The following ATP2B1 variants were observed in gnomAD, a reference collection of about 807,000 sequenced individuals.
ATP2B1 encodes the protein ATPase plasma membrane Ca2+ transporting 1, also known as plasma membrane calcium-transporting ATPase 1.
Under a neutral mutation model 124.2 loss-of-function variants are expected in ATP2B1, and 14 were observed. The observed-to-expected ratio is 0.11, with a 90% CI of 0.07 to 0.18. The LOEUF is 0.18. Among genes scored for constraint, ATP2B1 ranks in the 10% least tolerant of loss-of-function variants. ATP2B1 has a pLI of 1.00. For missense variants in ATP2B1, 763 were observed against 1,466.1 expected (o/e 0.52, Z 7.83); for synonymous variants, 449 against 492.4 (o/e 0.91, Z 1.17).
intron 19 of ATP2B1, 134 bp from the exon 20 acceptor site, chr12:89,599,433 G>T: frequency 2.2e-6 from 2 of 926,458 alleles, no homozygotes; most frequent in South Asian, 2.0e-5. Flanking sequence ...GGATCCTGTT[G>T]ATTAGTCTTT....
intron 1 of ATP2B1, among the ~76,000 whole-genome samples, chr12:89,679,688 G>A (rs1320986729): frequency 6.6e-6 from 1 of 152,162 alleles, no homozygotes; most frequent in African/African-American, 2.4e-5. Flanking sequence ...GTACATCGTA[G>A]GAGAGGGGAG....
At position 89,648,801 on chromosome 12, in the gene ATP2B1, C is replaced by T. The variant is rs949332142; in HGVS notation, c.209-6446G>A. Among the ~76,000 whole-genome samples the T allele has an allele frequency of 7.2e-5, 11 of 152,364 alleles. 1 individual carries two copies. Among genetic ancestry groups the T allele is most frequent in the South Asian group, 4.1e-4 (2 of 4,830 alleles). ...GCAGCCTAGGCGGAAAGAATGCTTT[C>T]AAGGGCTAGGCCCAGGGTGCAGCTG... On this transcript the variant is annotated intron_variant, in intron 2 of 20. Transcript: ENST00000428670.
intron 3 of ATP2B1, among the ~76,000 whole-genome samples, chr12:89,636,194 T>A: frequency 6.7e-6 from 1 of 150,344 alleles, no homozygotes; most frequent in African/African-American, 2.5e-5. Context: ...AATGGCAGAA[T>A]AGAGATCAGA....
intron 1 of ATP2B1, among the ~76,000 whole-genome samples, chr12:89,685,411 C>G (rs949918250): frequency 6.6e-6 from 1 of 152,164 alleles, no homozygotes; most frequent in Non-Finnish European, 1.5e-5. Flanking sequence ...CCCCCATCCT[C>G]AGGACAGTTT....
intron 2 of ATP2B1, among the ~76,000 whole-genome samples, chr12:89,653,453 C>T (rs369783304): frequency 2.8e-4 from 42 of 151,370 alleles, no homozygotes; most frequent in Admixed American, 5.2e-4. Flanking sequence ...CCCGCCACCG[C>T]GCCCGGCTAA....
intron 3 of ATP2B1, chr12:89,641,740 C>G (rs907939664): frequency 2.5e-5 from 4 of 157,878 alleles, no homozygotes; most frequent in Admixed American, 6.2e-5. Context: ...ACTTTAAGAA[C>G]TTGACAAGTA....
rs761917239 is a variant in ATP2B1 at position 89,603,965 on chromosome 12, T to G, written c.2635-40A>C. The G allele has an allele frequency of 2.4e-5, 38 of 1,585,108 alleles. No individual in the cohort carries two copies. The highest frequency in any genetic ancestry group is 3.1e-5 in the Non-Finnish European group (36 of 1,160,510). On this transcript the variant is annotated intron_variant, in intron 16 of 20. Coordinates refer to ENST00000428670, the MANE Select transcript of ATP2B1 (RefSeq NM_001366521.1). This position sits in a 1 kb window ranked among gnomAD's most constrained non-coding sequence, Gnocchi z 4.3. ...TTTCCTAATAGACATTCACAACTAC[T>G]CAGGGGCTCAGCAATTCTCAGGAAA...
chr12:89,623,217 T>C (rs1336066451), intron 9 of ATP2B1, among the ~76,000 whole-genome samples: 3 of 152,160 alleles, frequency 2.0e-5, no homozygotes, highest in Non-Finnish European at 4.4e-5. Context: ...TATTGCTCAC[T>C]GTCAGCAGTG....
At chr12:89,703,674 G>A (rs1376541398) in intron 1 of ATP2B1, among the ~76,000 whole-genome samples, 1 of 152,062 alleles carries the variant, frequency 6.6e-6, no homozygotes, top group Non-Finnish European at 1.5e-5. Flanking sequence ...ATAGTTTACA[G>A]TGCTTAATAA....
rs367946544 is a variant in ATP2B1 at position 89,642,150 on chromosome 12, T to G, written c.406+8A>C. ...TCAGACATGTCTTTTTTCCCCCCATTTACTTACGTGCATTATCCCCTTCTG... is the reference window on the plus strand; with the variant it reads ...TCAGACATGTCTTTTTTCCCCCCATGTACTTACGTGCATTATCCCCTTCTG... On this transcript the variant is annotated splice_region_variant and intron_variant, in intron 3 of 20. Coordinates refer to ENST00000428670, the MANE Select transcript of ATP2B1 (RefSeq NM_001366521.1). The G allele has an allele frequency of 6.9e-6, 11 of 1,604,054 alleles. No individual in the cohort carries two copies. The highest frequency in any genetic ancestry group is 9.4e-6 in the Non-Finnish European group (11 of 1,174,034).
At chr12:89,629,566 C>A (rs182575259) in intron 6 of ATP2B1, among the ~76,000 whole-genome samples, 1 of 152,230 alleles carries the variant, frequency 6.6e-6, no homozygotes, top group African/African-American at 2.4e-5. Flanking sequence ...GATTTTATAG[C>A]TAACAGCAAA....
intron 1 of ATP2B1, among the ~76,000 whole-genome samples, chr12:89,670,219 G>C (rs1180100887): frequency 1.3e-5 from 2 of 152,160 alleles, no homozygotes; most frequent in Non-Finnish European, 2.9e-5. Context: ...CCAGAAACAG[G>C]AGGGGAAAGG....
chr12:89,597,214 C>T (rs1874786778), intron 20 of ATP2B1, among the ~76,000 whole-genome samples: 1 of 152,080 alleles, frequency 6.6e-6, no homozygotes, highest in Non-Finnish European at 1.5e-5. Flanking sequence ...TTGAAATCCA[C>T]AGATACAGGG....
chr12:89,639,216 A>G (rs1345278731), intron 3 of ATP2B1, among the ~76,000 whole-genome samples: 1 of 152,208 alleles, frequency 6.6e-6, no homozygotes, highest in Non-Finnish European at 1.5e-5. Flanking sequence ...ATTTTAAAAA[A>G]TGCAAGGCTG....
At chr12:89,674,829 CCT>C (rs1186214678) in intron 1 of ATP2B1, among the ~76,000 whole-genome samples, 1 of 152,240 alleles carries the variant, frequency 6.6e-6, no homozygotes, top group Non-Finnish European at 1.5e-5. Context: ...TGGAACCACA[CCT>C]CTCTGAGACA....
chr12:89,640,213 C>T (rs968173924), intron 3 of ATP2B1, among the ~76,000 whole-genome samples: 1 of 152,062 alleles, frequency 6.6e-6, no homozygotes, highest in African/African-American at 2.4e-5. Context: ...ACTGTCTTCC[C>T]CCACCCCCAT....
intron 3 of ATP2B1, among the ~76,000 whole-genome samples, chr12:89,636,763 C>T (rs1205010136): frequency 6.6e-6 from 1 of 152,108 alleles, no homozygotes; most frequent in African/African-American, 2.4e-5. Flanking sequence ...ATCCTGAGAA[C>T]CACCAGCAGG....
rs534991159 is a variant in ATP2B1, at chr12:89,602,038, GAA to G, written c.3061-607_3061-606del. Among the ~76,000 whole-genome samples the G allele has an allele frequency of 1.7e-3, 253 of 152,296 alleles. 1 individual carries two copies. Among genetic ancestry groups the G allele is most frequent in the African/African-American group, 5.8e-3 (241 of 41,564 alleles). On this transcript the variant is annotated intron_variant, in intron 18 of 20. Transcript: ENST00000428670. ...TGATCTCAGATTTGCTCTCCTTTAT[GAA>G]AAGAGTGAGGTCTGATGATGAATAT... is the stretch of plus-strand genomic sequence containing the variant.
At position 89,620,003 on chromosome 12, in the gene ATP2B1, T is replaced by C. The variant is rs1204870349; in HGVS notation, c.1825A>G (p.Lys609Glu). Residue 609 changes from lysine to glutamate, a missense_variant, in exon 11 of 21, where the codon AAA (lysine) becomes GAA (glutamate). By Grantham distance (56) the Lys-to-Glu change is moderately conservative (BLOSUM62 1). Coordinates refer to ENST00000428670, the MANE Select transcript of ATP2B1 (RefSeq NM_001366521.1). Reference protein sequence around the residue: ...FSKGASEIILKKCFKILSANG... With the variant: ...FSKGASEIILEKCFKILSANG... ...ATCCAAGCATTTTACTCTTACTTTT[T>C]CAGAATTATCTCAGATGCACCCTTG... is the stretch of plus-strand genomic sequence containing the variant. The C allele has an allele frequency of 6.2e-7, 1 of 1,613,326 alleles. No homozygotes were observed. Among genetic ancestry groups the C allele is most frequent in the African/African-American group, 1.3e-5 (1 of 74,904 alleles).
Sources: gnomAD v4.1 joint callset for allele counts (sites outside exome capture counted in the v4.1 genomes callset) on GRCh38, gnomAD v4.1.1 for gene constraint, Gnocchi (gnomAD v3.1) non-coding constraint, MANE v1.5 for transcripts, NCBI Gene and HGNC (gene_info 2026-07-23, HGNC 2026-07-21) for gene names.